CTU2: variants seen among roughly 807,000 people sequenced by gnomAD.
CTU2 encodes the protein cytosolic thiouridylase subunit 2.
A neutral mutation model predicts 64.1 loss-of-function variants in CTU2; 80 were observed. That is an observed-to-expected ratio of 1.25 (90% confidence interval 1.04 to 1.50). The LOEUF (loss-of-function observed/expected upper bound fraction) is 1.50. CTU2 is among the 40% of genes most tolerant of loss of function. CTU2 has a pLI of 0.00. For synonymous variants in CTU2, 482 were observed against 285.3 expected (o/e 1.69, Z -6.95); for missense variants, 1,110 against 690.2 (o/e 1.61, Z -6.81).
At chr16:88,707,944 G>A (rs1251889153) in intron 2 of CTU2, among the ~76,000 whole-genome samples, 2 of 152,094 alleles carry the variant, frequency 1.3e-5, no homozygotes, top group East Asian at 3.8e-4. Flanking sequence ...CTGAGTAGCT[G>A]GGATTACAGG....
intron 2 of CTU2, chr16:88,709,664 G>A (rs1911160711): frequency 6.3e-6 from 3 of 475,204 alleles, no homozygotes; most frequent in Non-Finnish European, 1.1e-5. Context: ...GGGGTGCCGG[G>A]GCTCTGCCCT....
chr16:88,712,814 C>A lies in CTU2; in HGVS notation c.646C>A (p.Pro216Thr), dbSNP rs1219505462. Residue 216 changes from proline to threonine, a missense_variant, in exon 7 of 15, where the codon CCG becomes ACG. Physicochemically the swap from Pro to Thr is conservative, Grantham distance 38. Coordinates refer to ENST00000453996, the MANE Select transcript of CTU2 (RefSeq NM_001012759.3). ...PPLDPQNLAR[P>T]PAPAQTEALS... ...GCTGGACCCCCAGAACCTGGCAAGA[C>A]CGCCTGCCCCTGCCCAGACTGAGGC... The A allele has an allele frequency of 6.2e-7, 1 of 1,603,510 alleles. No individual in the cohort carries two copies. Among genetic ancestry groups the A allele is most frequent in the East Asian group, 2.2e-5 (1 of 44,786 alleles).
chr16:88,712,186 G>C (rs534523007), intron 5 of CTU2, 88 bp from the exon 6 acceptor site: 6 of 1,170,680 alleles, frequency 5.1e-6, no homozygotes, highest in South Asian at 1.3e-5. Context: ...GCGAGGCCTC[G>C]AAGGGTTTTC....
At position 88,714,887 on chromosome 16, in the gene CTU2, G is replaced by T; in HGVS notation, c.1380G>T (p.Glu460Asp). 1 of 1,612,664 alleles carries T rather than the reference G, an allele frequency of 6.2e-7. No homozygotes were observed. ...RREDPQACIE[E>D]QLCYSCRVNM... is the part of the protein sequence containing the mutation. ...AGGACCCCCAAGCCTGCATTGAGGAGCAGCTGTGCTACAGCTGCCGCGTGA... is the reference window on the plus strand; with the variant it reads ...AGGACCCCCAAGCCTGCATTGAGGATCAGCTGTGCTACAGCTGCCGCGTGA... The change falls in exon 13 of 15, where the codon GAG becomes GAT. Residue 460 changes from glutamate (E) to aspartate (D), a missense_variant. Coordinates refer to ENST00000453996, the MANE Select transcript of CTU2 (RefSeq NM_001012759.3).
chr16:88,712,305 G>C lies in CTU2; in HGVS notation c.375G>C (p.Glu125Asp). The change falls in exon 6 of 15, where the codon GAG becomes GAC. Residue 125 changes from glutamate (E) to aspartate (D), a missense_variant. Transcript: ENST00000453996. ...CAGCCTGTGGCCAGAGCCTAGAGGA[G>C]AGATCAAAGACCCTGGCCGAAGTGA... The part of the protein sequence containing the change: ...EGAACGQSLE[E>D]RSKTLAEVKP... The C allele has an allele frequency of 6.2e-7, 1 of 1,608,594 alleles. No individual in the cohort carries two copies. The highest frequency in any genetic ancestry group is 1.1e-5 in the South Asian group (1 of 89,910).
rs979792549 is a variant in CTU2 at position 88,711,651 on chromosome 16, C to G, written c.299C>G (p.Ser100Cys). 6.2e-7 allele frequency: 1 copy of G among 1,606,700 alleles called. No homozygotes were observed. The highest frequency in any genetic ancestry group is 8.5e-7 in the Non-Finnish European group (1 of 1,175,310). Residue 100 changes from serine to cysteine, a missense_variant, in exon 5 of 15, where the codon TCT becomes TGT. Physicochemically the swap from Ser to Cys is moderately radical, Grantham distance 112. Transcript: ENST00000453996. Reference sequence around the variant, plus strand: ...TCCCTCTAGGGCCTGAGCCAAGATTCTGCCAAAAGACTGCGCTTTGTGGCA... The same window carrying G: ...TCCCTCTAGGGCCTGAGCCAAGATTGTGCCAAAAGACTGCGCTTTGTGGCA... ...WQVLEGLSQDSAKRLRFVAGV... is the reference protein window; with the variant it reads ...WQVLEGLSQDCAKRLRFVAGV...
chr16:88,713,489 T>G, intron 8 of CTU2, 42 bp downstream of exon 8: 1 of 1,556,586 alleles, frequency 6.4e-7, no homozygotes, highest in Admixed American at 2.1e-5. Flanking sequence ...ATCCTCACCT[T>G]CACCCCTTCG....
At position 88,715,353 on chromosome 16, in the gene CTU2, G is replaced by A; in HGVS notation, c.*102G>A. Reference sequence around the variant, plus strand: ...GGGACTGGCCTCTGATTGTCCATTTGTATAAATAAAACATTTTTTAATTAA... The same window carrying A: ...GGGACTGGCCTCTGATTGTCCATTTATATAAATAAAACATTTTTTAATTAA... On this transcript the variant is annotated 3_prime_UTR_variant, in exon 15 of 15. Coordinates refer to ENST00000453996, the MANE Select transcript of CTU2 (RefSeq NM_001012759.3). 2.4e-6 allele frequency: 3 copies of A among 1,256,506 alleles called. No homozygotes were observed. Among genetic ancestry groups the A allele is most frequent in the Non-Finnish European group, 3.3e-6 (3 of 915,992 alleles). The allele number at this position is 1,256,506 out of a possible 1,614,324, so 77.8% of individuals were successfully genotyped here. A position where few individuals can be genotyped will look rare whatever the true frequency, so the allele number is the denominator to read the frequency against.
chr16:88,709,489 C>T (rs1325835920), intron 2 of CTU2: 3 of 161,270 alleles, frequency 1.9e-5, no homozygotes, highest in African/African-American at 4.8e-5. Flanking sequence ...GGTGTCTCTG[C>T]ATGGTGGGTC....
intron 6 of CTU2, 59 bp downstream of exon 6, chr16:88,712,442 G>A (rs1911406749): frequency 9.4e-6 from 14 of 1,484,090 alleles, no homozygotes; most frequent in South Asian, 3.8e-5. Context: ...GCACCTGCCC[G>A]TGTCCCAGCC....
chr16:88,707,897 A>T (rs1193368070), intron 2 of CTU2, among the ~76,000 whole-genome samples: 2 of 151,106 alleles, frequency 1.3e-5, no homozygotes, highest in Non-Finnish European at 2.9e-5. Context: ...TGCAACCTTT[A>T]CCTCCTGGGT....
chr16:88,707,584 A>T (rs981235158), intron 2 of CTU2, among the ~76,000 whole-genome samples: 1 of 152,138 alleles, frequency 6.6e-6, no homozygotes, highest in Middle Eastern at 3.4e-3. Flanking sequence ...GTCTGGGTGA[A>T]AGTTTTTAAT....
intron 8 of CTU2, 94 bp downstream of exon 8, chr16:88,713,541 C>A: frequency 7.3e-7 from 1 of 1,376,932 alleles, no homozygotes; most frequent in Non-Finnish European, 9.5e-7. Context: ...ATCAGTCCTG[C>A]GGCCTCGGAT....
At chr16:88,706,775 C>T (rs1335443290) in intron 1 of CTU2, 177 bp downstream of exon 1, 6 of 533,858 alleles carry the variant, frequency 1.1e-5, no homozygotes, top group Non-Finnish European at 1.9e-5. Context: ...GGGACTTACT[C>T]CACTGGCTCG....
At chr16:88,713,520 G>T in intron 8 of CTU2, 73 bp downstream of exon 8, 16 of 1,520,310 alleles carry the variant, frequency 1.1e-5, no homozygotes, top group Non-Finnish European at 1.4e-5. Context: ...CTGGAGAGTA[G>T]CCTCTCGCGT....
At chr16:88,713,607 C>T (rs777049337) in intron 8 of CTU2, 40 bp from the exon 9 acceptor site, 169 of 1,595,966 alleles carry the variant, frequency 1.1e-4, no homozygotes, top group Middle Eastern at 1.7e-4. Flanking sequence ...CAAGCACATT[C>T]GGGCCTTGAC....
intron 4 of CTU2, chr16:88,710,999 C>G (rs1480525544): frequency 6.5e-6 from 1 of 154,016 alleles, no homozygotes; most frequent in African/African-American, 2.4e-5. Flanking sequence ...TTTCTCTGCA[C>G]TCTCATGAGA....
rs551904631 is a variant in CTU2 at position 88,707,228 on chromosome 16, C to A, written c.143+18C>A. 4.5e-5 allele frequency: 72 copies of A among 1,612,162 alleles called. 1 individual carries two copies. The South Asian group carries it at 7.1e-4, about 16-fold the overall frequency. ...TTCTGCAGGTGAGGCCTGGAGGTGG[C>A]TGAGACCCTGGCAAACATGGCCTCG... On this transcript the variant is annotated intron_variant, in intron 2 of 14. Transcript: ENST00000453996.
chr16:88,708,588 G>T (rs138381960), intron 2 of CTU2, among the ~76,000 whole-genome samples: 1 of 152,124 alleles, frequency 6.6e-6, no homozygotes, highest in African/African-American at 2.4e-5. Context: ...ATACTTGCCA[G>T]TTACCTGCAG....
Sources: gnomAD v4.1 joint callset for allele counts (sites outside exome capture counted in the v4.1 genomes callset) on GRCh38, gnomAD v4.1.1 for gene constraint, MANE v1.5 for transcripts, NCBI Gene and HGNC (gene_info 2026-07-23, HGNC 2026-07-21) for gene names.